TNNT3: variants seen among roughly 807,000 people sequenced by gnomAD.
The protein encoded by TNNT3 is troponin T, fast skeletal muscle.
A neutral mutation model predicts 54.2 loss-of-function variants in TNNT3; 36 were observed. The observed-to-expected ratio is 0.66, with a 90% CI of 0.51 to 0.88. TNNT3 has a LOEUF of 0.88. Ranked by LOEUF, TNNT3 falls within the 40% of genes least tolerant of loss-of-function variation. The probability of loss-of-function intolerance (pLI) is 0.00; values close to 1 mark genes in which losing one functional copy is unlikely to be tolerated. For synonymous variants in TNNT3, 120 were observed against 109.7 expected (o/e 1.09, Z -0.59); for missense variants, 291 against 331.6 (o/e 0.88, Z 0.95).
rs1412068719 is a variant in TNNT3 at position 1,933,709 on chromosome 11, C to G, written c.172-12C>G. ...GAGGGGTGGGGCTCACACCCACTGCCCCTGCCCACAGGACATCCAGAAGAA... is the reference window on the plus strand; with the variant it reads ...GAGGGGTGGGGCTCACACCCACTGCGCCTGCCCACAGGACATCCAGAAGAA... On this transcript the variant is annotated splice_polypyrimidine_tract_variant and intron_variant, in intron 9 of 15. Coordinates refer to ENST00000278317, the MANE Select transcript of TNNT3 (RefSeq NM_006757.4). The G allele has an allele frequency of 6.2e-7, 1 of 1,609,036 alleles. No homozygotes were observed. The highest frequency in any genetic ancestry group is 1.7e-5 in the Admixed American group (1 of 60,004).
rs1222582780 is a variant in TNNT3 at position 1,938,667 on chromosome 11, T to A, written c.*175T>A. 1 of 720,436 alleles carries A rather than the reference T, an allele frequency of 1.4e-6. No homozygotes were observed. Among genetic ancestry groups the A allele is most frequent in the Non-Finnish European group, 2.5e-6 (1 of 397,698 alleles). 44.6% of individuals were successfully genotyped at this position (720,436 alleles called of 1,614,324 possible). Reference sequence around the variant, plus strand: ...CGCGTCTGTGTCCTTGCTGCCTTCATCCCCTGGGGCCTGTGAATAAAGCTG... The same window carrying A: ...CGCGTCTGTGTCCTTGCTGCCTTCAACCCCTGGGGCCTGTGAATAAAGCTG... On this transcript the variant is annotated 3_prime_UTR_variant, in exon 16 of 16. Coordinates refer to ENST00000278317, the MANE Select transcript of TNNT3 (RefSeq NM_006757.4).
At chr11:1,934,096 G>T (rs1854242276) in intron 11 of TNNT3, 88 bp downstream of exon 11, 1 of 1,418,236 alleles carries the variant, frequency 7.1e-7, no homozygotes, top group Non-Finnish European at 9.8e-7. Context: ...CCTTCTCCCG[G>T]GGTTCCCATT....
At chr11:1,935,845 G>C (rs1854864213) in intron 14 of TNNT3, among the ~76,000 whole-genome samples, 1 of 152,146 alleles carries the variant, frequency 6.6e-6, no homozygotes, top group South Asian at 2.1e-4. Context: ...CCTTCTCGGG[G>C]GTTCTGGGCA....
At chr11:1,934,980 C>T (rs1854539970) in intron 14 of TNNT3, 61 bp downstream of exon 14, 1 of 1,500,260 alleles carries the variant, frequency 6.7e-7, no homozygotes, top group South Asian at 1.1e-5. Context: ...GCAGAGCAGC[C>T]ATCTCCCTGC....
At chr11:1,936,290 G>C in intron 14 of TNNT3, 1 of 1,610,974 alleles carries the variant, frequency 6.2e-7, no homozygotes, top group Non-Finnish European at 8.5e-7. Context: ...CAGGCCCGTG[G>C]GTGTGCGTTG....
intron 5 of TNNT3, among the ~76,000 whole-genome samples, chr11:1,926,151 T>G (rs1490013714): frequency 6.6e-6 from 1 of 152,092 alleles, no homozygotes; most frequent in African/African-American, 2.4e-5. Context: ...AGACAGGGGA[T>G]GGGGGCGAGC....
At chr11:1,935,738 C>G (rs1250563456) in intron 14 of TNNT3, among the ~76,000 whole-genome samples, 1 of 152,124 alleles carries the variant, frequency 6.6e-6, no homozygotes, top group Non-Finnish European at 1.5e-5. Flanking sequence ...CCGCCAGAGG[C>G]CCCAGGGGAG....
At chr11:1,937,841 G>A (rs777153928) in intron 15 of TNNT3, among the ~76,000 whole-genome samples, 11 of 152,316 alleles carry the variant, frequency 7.2e-5, no homozygotes, top group Non-Finnish European at 1.5e-4. Flanking sequence ...ATGTGCCTGC[G>A]TGTGTGCATG....
chr11:1,924,882 G>A, intron 4 of TNNT3: 1 of 655,192 alleles, frequency 1.5e-6, no homozygotes, highest in Non-Finnish European at 2.8e-6. Context: ...CCAGCTGACA[G>A]TGACCAGCTC....
At chr11:1,929,544 A>G (rs916157733) in intron 7 of TNNT3, among the ~76,000 whole-genome samples, 6 of 151,800 alleles carry the variant, frequency 4.0e-5, no homozygotes, top group South Asian at 2.1e-4. Context: ...TCTCGCTCCT[A>G]TTTCTTCCCT....
At chr11:1,925,477 C>A in intron 5 of TNNT3, 1 of 648,220 alleles carries the variant, frequency 1.5e-6, no homozygotes, top group African/African-American at 1.8e-5. Flanking sequence ...GAGGGTGGGC[C>A]CCCTTCCCCA....
At chr11:1,922,914 C>T in intron 2 of TNNT3, 23 bp downstream of exon 2, 1 of 1,613,686 alleles carries the variant, frequency 6.2e-7, no homozygotes, top group Non-Finnish European at 8.5e-7. Flanking sequence ...CTGGTGGCTG[C>T]CCCCTGCCTG....
At chr11:1,923,240 T>C (rs936386786) in intron 3 of TNNT3, among the ~76,000 whole-genome samples, 179 bp downstream of exon 3, 1 of 152,262 alleles carries the variant, frequency 6.6e-6, no homozygotes, top group African/African-American at 2.4e-5. Flanking sequence ...GCCTCGTCTT[T>C]TCCCCGAAGT....
chr11:1,923,463 A>G (rs989664329), intron 3 of TNNT3, 92 bp from the exon 4 acceptor site: 1 of 1,413,710 alleles, frequency 7.1e-7, no homozygotes, highest in Non-Finnish European at 1.0e-6. Flanking sequence ...TGGCCTGTCC[A>G]GGGCCGGGAC....
intron 8 of TNNT3, among the ~76,000 whole-genome samples, chr11:1,931,871 T>C (rs757593126): frequency 4.0e-4 from 61 of 152,176 alleles, no homozygotes; most frequent in African/African-American, 3.1e-4. Context: ...CTTTCTTCTA[T>C]GGTTTGTTGG....
chr11:1,926,949 C>T (rs2668868), intron 6 of TNNT3, among the ~76,000 whole-genome samples: 15 of 152,154 alleles, frequency 9.9e-5, no homozygotes, highest in South Asian at 8.3e-4. Context: ...GACAATGAGG[C>T]CCTTCCTGGG....
Position 1,934,313 on chromosome 11 carries a change from G to C in TNNT3, c.367-19G>C. 6.2e-7 allele frequency: 1 copy of C among 1,604,766 alleles called. No homozygotes were observed. Among genetic ancestry groups the C allele is most frequent in the Non-Finnish European group, 8.5e-7 (1 of 1,172,098 alleles). ...CCCTCTCTCCATCCCTGAGCATCTTGGGAATGGGGTCTCCACAGGAGGAAA... is the reference window on the plus strand; with the variant it reads ...CCCTCTCTCCATCCCTGAGCATCTTCGGAATGGGGTCTCCACAGGAGGAAA... On this transcript the variant is annotated intron_variant, in intron 11 of 15. Transcript: ENST00000278317.
At chr11:1,935,062 C>G (rs1025208626) in intron 14 of TNNT3, 143 bp downstream of exon 14, 2 of 794,368 alleles carry the variant, frequency 2.5e-6, no homozygotes, top group Non-Finnish European at 4.3e-6. Context: ...GCTGTTGCCA[C>G]GGACCCCTGG....
At chr11:1,923,140 A>T in intron 3 of TNNT3, 79 bp downstream of exon 3, 6 of 1,585,034 alleles carry the variant, frequency 3.8e-6, no homozygotes, top group Non-Finnish European at 5.2e-6. Context: ...TGGACTGTGC[A>T]TACCCTGTGT....
Sources: allele counts gnomAD v4.1 joint callset (sites outside exome capture counted in the v4.1 genomes callset), GRCh38; gene constraint gnomAD v4.1.1; transcripts MANE v1.5; gene names NCBI Gene and HGNC (gene_info 2026-07-23, HGNC 2026-07-21).